The following MATK variants were observed in gnomAD, a reference collection of about 807,000 sequenced individuals.
The protein encoded by MATK is megakaryocyte-associated tyrosine-protein kinase.
Under a neutral mutation model 59.8 loss-of-function variants are expected in MATK, and 41 were observed. That is an observed-to-expected ratio of 0.69 (90% CI 0.53 to 0.89). The LOEUF is 0.89. MATK is among the 40% of genes least tolerant of loss of function. The pLI, the probability that MATK is intolerant of heterozygous loss-of-function variation, is 0.00. For missense variants in MATK, 593 were observed against 719.6 expected (o/e 0.82, Z 2.01); for synonymous variants, 308 against 306.1 (o/e 1.01, Z -0.06).
At chr19:3,783,305 G>T in intron 6 of MATK, 86 bp from the exon 7 acceptor site, 1 of 762,434 alleles carries the variant, frequency 1.3e-6, no homozygotes, top group South Asian at 1.5e-5. Context: ...CCTCTGGGTG[G>T]GGTGGGTGGG....
chr19:3,796,128 A>G (rs1480004167), intron 1 of MATK, among the ~76,000 whole-genome samples: 1 of 152,166 alleles, frequency 6.6e-6, no homozygotes, highest in African/African-American at 2.4e-5. Flanking sequence ...AGTGTTTAAA[A>G]AAATAAAACT....
chr19:3,784,310 G>A, intron 4 of MATK, 28 bp downstream of exon 4: 2 of 1,592,512 alleles, frequency 1.3e-6, no homozygotes, highest in Non-Finnish European at 1.7e-6. Context: ...CCAGCCCCAA[G>A]CACCCACACC....
In MATK at chr19:3,784,374, G is replaced by T; in HGVS notation, c.210C>A (p.Arg70=). The T allele has an allele frequency of 6.2e-7, 1 of 1,609,036 alleles. No individual in the cohort carries two copies. Among genetic ancestry groups the T allele is most frequent in the Non-Finnish European group, 8.5e-7 (1 of 1,178,884 alleles). ...CCAGGATGGTGACCACGTCGCCCTT[G>T]CGGAAGGCCAGCTCCCCTGGCTTGG... ...TRPKPGELAF[R]KGDVVTILEA... Residue 70 remains arginine, a synonymous_variant, in exon 4 of 14, where the codon CGC becomes CGA. Transcript: ENST00000310132.
At chr19:3,791,093 G>C (rs900097599), upstream of MATK, among the ~76,000 whole-genome samples, 1 of 152,064 alleles carries the variant, frequency 6.6e-6, no homozygotes, top group Admixed American at 6.6e-5. Context: ...TTCCCGAGGG[G>C]GTTCTGCTGC....
intron 1 of MATK, among the ~76,000 whole-genome samples, chr19:3,799,480 T>C (rs2037624244): frequency 6.6e-6 from 1 of 152,156 alleles, no homozygotes; most frequent in South Asian, 2.1e-4. Flanking sequence ...GGAAACCACA[T>C]GAATGAAGGC....
intron 7 of MATK, among the ~76,000 whole-genome samples, chr19:3,782,552 C>T (rs1160227169): frequency 6.6e-6 from 1 of 152,160 alleles, no homozygotes; most frequent in African/African-American, 2.4e-5. Context: ...AAACGATGAT[C>T]ACAGTTGACC....
At chr19:3,794,459 G>T (rs573612993) in intron 1 of MATK, among the ~76,000 whole-genome samples, 2 of 152,240 alleles carry the variant, frequency 1.3e-5, no homozygotes, top group African/African-American at 4.8e-5. Context: ...TTGGAGACCA[G>T]TCTGGCCAAC....
At chr19:3,786,518 C>G (rs1344029823), upstream of MATK, 2 of 506,900 alleles carry the variant, frequency 3.9e-6, no homozygotes, top group African/African-American at 2.1e-5. This position sits in a 1 kb window ranked among gnomAD's most constrained non-coding sequence, Gnocchi z 4.1. Flanking sequence ...CTGGCCCTGT[C>G]GGGCGTGCAC....
chr19:3,790,430 C>T (rs748791054), upstream of MATK, among the ~76,000 whole-genome samples: 1 of 152,230 alleles, frequency 6.6e-6, no homozygotes, highest in African/African-American at 2.4e-5. Flanking sequence ...GGCGTCCTGG[C>T]TGCCTCCAGG....
At chr19:3,786,393 C>G, upstream of MATK, 1 of 980,920 alleles carries the variant, frequency 1.0e-6, no homozygotes, top group Non-Finnish European at 1.2e-6. This position sits in a 1 kb window ranked among gnomAD's most constrained non-coding sequence, Gnocchi z 4.1. Flanking sequence ...CGGTCTCCTC[C>G]GCGCGCCGCC....
intron 7 of MATK, 132 bp downstream of exon 7, chr19:3,782,994 T>G (rs2037421937): frequency 1.3e-6 from 1 of 770,858 alleles, no homozygotes; most frequent in Admixed American, 2.2e-5. Context: ...GCCCAGGTCT[T>G]CTATCCCATA....
rs1448024918 is a variant in MATK, at chr19:3,786,332, G to A, written c.-315C>T. On this transcript the variant is annotated 5_prime_UTR_variant, in exon 1 of 14. Transcript: ENST00000310132. The surrounding 1 kb of genome is among the most constrained non-coding windows in gnomAD (Gnocchi z 4.1). ...AGGGTCGGGGAGTGGGGGAAAGCGGGAGGCGCCGCGGCCTGGGAGGCCCCC... is the reference window on the plus strand; with the variant it reads ...AGGGTCGGGGAGTGGGGGAAAGCGGAAGGCGCCGCGGCCTGGGAGGCCCCC... The A allele has an allele frequency of 2.0e-6, 2 of 984,222 alleles. No individual in the cohort carries two copies. The highest frequency in any genetic ancestry group is 1.8e-5 in the African/African-American group (1 of 57,084). The allele number at this position is 984,222 out of a possible 1,614,324, so 61.0% of individuals were successfully genotyped here.
At position 3,778,676 on chromosome 19, in the gene MATK, G is replaced by C. The variant is rs2037353972; in HGVS notation, c.1198-81C>G. The C allele has an allele frequency of 2.1e-6, 3 of 1,447,044 alleles. No homozygotes were observed. The East Asian group carries it at 7.4e-5, about 36-fold the overall frequency. The allele number at this position is 1,447,044 out of a possible 1,614,324, so 89.6% of individuals were successfully genotyped here. On this transcript the variant is annotated intron_variant, in intron 12 of 13. Transcript: ENST00000310132. ...CCTGCTTCCTCCAGGAAGCCCTCCTGGGTTGACCCTCACTCTCTGGTCTTC... is the reference window on the plus strand; with the variant it reads ...CCTGCTTCCTCCAGGAAGCCCTCCTCGGTTGACCCTCACTCTCTGGTCTTC...
At chr19:3,779,300 C>T (rs2037363411) in intron 11 of MATK, 78 bp downstream of exon 11, 7 of 1,581,150 alleles carry the variant, frequency 4.4e-6, no homozygotes, top group Middle Eastern at 1.9e-4. Flanking sequence ...TGCCCCGTGC[C>T]TCAGTTTCCC....
At chr19:3,779,661 C>G in intron 9 of MATK, 37 bp downstream of exon 9, 5 of 1,610,624 alleles carry the variant, frequency 3.1e-6, no homozygotes, top group Non-Finnish European at 4.2e-6. Context: ...TGGGACCCCC[C>G]CCGTCCCACG....
rs923647787 is a variant in MATK at position 3,778,144 on chromosome 19, C to A, written c.*39G>T. On this transcript the variant is annotated 3_prime_UTR_variant, in exon 14 of 14. Transcript: ENST00000310132. ...GTGCCCCCACGCCGCACTCTCCACT[C>A]TCTCGGTCCTCTGGGGCCAAGGGCC... 6.5e-7 allele frequency: 1 copy of A among 1,528,752 alleles called. No individual in the cohort carries two copies. The highest frequency in any genetic ancestry group is 8.7e-7 in the Non-Finnish European group (1 of 1,143,662). The allele number at this position is 1,528,752 out of a possible 1,614,324, so 94.7% of individuals were successfully genotyped here. A position where few individuals can be genotyped will look rare whatever the true frequency, so the allele number is the denominator to read the frequency against.
upstream of MATK, among the ~76,000 whole-genome samples, chr19:3,786,585 C>T (rs532825681): frequency 7.2e-6 from 1 of 139,354 alleles, no homozygotes; most frequent in East Asian, 2.1e-4. This position sits in a 1 kb window ranked among gnomAD's most constrained non-coding sequence, Gnocchi z 4.1. Flanking sequence ...GCCGCCAGTG[C>T]GCGCGGCGGG....
At chr19:3,790,863 C>T (rs774560859), upstream of MATK, among the ~76,000 whole-genome samples, 6 of 152,154 alleles carry the variant, frequency 3.9e-5, no homozygotes, top group Non-Finnish European at 8.8e-5. Flanking sequence ...TCTCTTGTCT[C>T]ACTGTGTGAT....
In MATK at chr19:3,784,232, C is replaced by T. The variant is rs1288031753; in HGVS notation, c.254G>A (p.Ser85Asn). 1.9e-6 allele frequency: 3 copies of T among 1,611,636 alleles called. 1 individual carries two copies. The South Asian group carries it at 3.3e-5, about 18-fold the overall frequency. The change falls in exon 5 of 14, where the codon AGC becomes AAC. Residue 85 changes from serine (S) to asparagine (N), a missense_variant. Coordinates refer to ENST00000310132, the MANE Select transcript of MATK (RefSeq NM_139355.3). ...VTILEACENK[S>N]WYRVKHHTSG... Reference sequence around the variant, plus strand: ...GGTGTGGTGCTTGACGCGGTACCAGCTCTTGTTCTGCCAGGGAGGAAGCAC... The same window carrying T: ...GGTGTGGTGCTTGACGCGGTACCAGTTCTTGTTCTGCCAGGGAGGAAGCAC...
Sources: gnomAD v4.1 joint callset for allele counts (sites outside exome capture counted in the v4.1 genomes callset) on GRCh38, gnomAD v4.1.1 for gene constraint, Gnocchi (gnomAD v3.1) non-coding constraint, MANE v1.5 for transcripts, NCBI Gene and HGNC (gene_info 2026-07-23, HGNC 2026-07-21) for gene names.